Variants in ADGRG2 observed in about 807,000 individuals in gnomAD.
ADGRG2 encodes adhesion G protein-coupled receptor G2, also known as G protein-coupled receptor 64.
Under a neutral mutation model 74.1 loss-of-function variants are expected in ADGRG2, and 26 were observed. The observed-to-expected ratio is 0.35, with a 90% CI of 0.26 to 0.49. The LOEUF is 0.49. Among genes scored for constraint, ADGRG2 ranks in the 20% least tolerant of loss-of-function variants. The pLI, the probability that ADGRG2 is intolerant of heterozygous loss-of-function variation, is 0.99. For synonymous variants in ADGRG2, 296 were observed against 295.2 expected, an observed-to-expected ratio of 1.00 and a Z score of -0.03; for missense variants, 619 against 763.1, an observed-to-expected ratio of 0.81 and a Z score of 2.22.
intron 3 of ADGRG2, among the ~76,000 whole-genome samples, chrX:19,047,035 T>C (rs1758277516): frequency 8.9e-6 from 1 of 111,895 alleles, no homozygotes; most frequent in Admixed American, 9.5e-5. Flanking sequence ...GCAAAATGAC[T>C]AATGCAGAGT....
chrX:19,059,675 A>G (rs12008790), intron 3 of ADGRG2, among the ~76,000 whole-genome samples: 1,902 of 96,893 alleles, frequency 0.02, 207 homozygotes, highest in African/African-American at 0.074. Flanking sequence ...ATGTAGTAGT[A>G]CTAAAGAATC....
At position 19,041,979 on chromosome X, in the gene ADGRG2, T is replaced by A. The variant is rs761158178; in HGVS notation, c.119-1755A>T. On this transcript the variant is annotated intron_variant, in intron 3 of 28. Coordinates refer to ENST00000379869, the MANE Select transcript of ADGRG2 (RefSeq NM_001079858.3). The stretch of plus-strand genomic sequence containing the variant: ...TACGCACCACCACACCTGGCTAATT[T>A]TTTTATTTTATTTTTTGTGGAGATG... Among the ~76,000 whole-genome samples, 84 of 110,647 alleles carry A rather than the reference T, an allele frequency of 7.6e-4. No individual in the cohort carries two copies. In the East Asian group the frequency reaches 0.016, roughly 21 times the overall value.
rs1325370295 is a variant in ADGRG2, at chrX:19,010,626, G to A, written c.1252C>T (p.Pro418Ser). 2.5e-6 allele frequency: 3 copies of A among 1,205,780 alleles called. No individual in the cohort carries two copies. The highest frequency in any genetic ancestry group is 3.6e-5 in the South Asian group (2 of 55,828). The change falls in exon 17 of 29, where the codon CCT becomes TCT. Residue 418 changes from proline (P) to serine (S), a missense_variant. By Grantham distance (74) the Pro-to-Ser change is moderately conservative. Transcript: ENST00000379869. ...GCGAAGTCGTACCTTTGAGCCAGAGGGGCCAGCATGTCAGGCGGGGAATGA... is the reference window on the plus strand; with the variant it reads ...GCGAAGTCGTACCTTTGAGCCAGAGAGGCCAGCATGTCAGGCGGGGAATGA... ...LLHSPPDMLAPLAQRLLKVVD... is the reference protein window; with the variant it reads ...LLHSPPDMLASLAQRLLKVVD...
chrX:19,037,522 G>T (rs1009789518), intron 5 of ADGRG2, 32 bp from the exon 6 acceptor site: 8 of 1,152,574 alleles, frequency 6.9e-6, no homozygotes, highest in African/African-American at 1.8e-5. Context: ...ACAATACAAA[G>T]ATATAATTAA....
At chrX:19,054,032 G>A (rs1257362392) in intron 3 of ADGRG2, among the ~76,000 whole-genome samples, 2 of 111,698 alleles carry the variant, frequency 1.8e-5, no homozygotes. Context: ...AAGAATTATG[G>A]GAGCTGCAAT....
At chrX:19,079,279 C>T (rs2061804575) in intron 2 of ADGRG2, among the ~76,000 whole-genome samples, 2 of 111,645 alleles carry the variant, frequency 1.8e-5, no homozygotes, top group Non-Finnish European at 3.8e-5. Flanking sequence ...ATCATAACCC[C>T]GATGCCAAAA....
In ADGRG2 at chrX:18,989,405, CAA is replaced by C. The variant is rs1424116651; in HGVS notation, c.*1457_*1458del. On this transcript the variant is annotated 3_prime_UTR_variant, in exon 29 of 29. Transcript: ENST00000379869. ...TAAATAAATCAGAAAAGAAATATTG[CAA>C]AGACAAGTCAGCACTCACAGAAATG... 8.9e-6 allele frequency: 1 copy of C among 112,546 alleles called. No homozygotes were observed. The highest frequency in any genetic ancestry group is 1.9e-5 in the Non-Finnish European group (1 of 53,341). The allele number at this position is 112,546 out of a possible 1,213,427, so 9.3% of individuals were successfully genotyped here.
At chrX:19,003,418 A>T (rs2060170354) in intron 23 of ADGRG2, among the ~76,000 whole-genome samples, 1 of 111,656 alleles carries the variant, frequency 9.0e-6, no homozygotes, top group Admixed American at 9.5e-5. Flanking sequence ...GGCTTCCCAA[A>T]GTGTTGGGAT....
chrX:19,057,722 C>A (rs745625345), intron 3 of ADGRG2, among the ~76,000 whole-genome samples: 1 of 110,835 alleles, frequency 9.0e-6, no homozygotes, highest in African/African-American at 3.3e-5. Context: ...TGCCTATAGT[C>A]CAAGCTACTT....
rs993777350 is a variant in ADGRG2, at chrX:19,010,372, C to T, written c.1265+241G>A. On this transcript the variant is annotated intron_variant, in intron 17 of 28. Transcript: ENST00000379869. ...CTGACCTCAAGCGATCCGCCCACCT[C>T]AGCCTCCCAGAGTGGTGGGATTATA... is the stretch of plus-strand genomic sequence containing the variant. Among the ~76,000 whole-genome samples the T allele has an allele frequency of 6.3e-5, 7 of 111,413 alleles. No homozygotes were observed. The East Asian group carries it at 2.0e-3, about 31-fold the overall frequency.
chrX:19,070,973 T>C (rs1479089537), intron 2 of ADGRG2, among the ~76,000 whole-genome samples: 2 of 111,278 alleles, frequency 1.8e-5, no homozygotes, highest in Admixed American at 9.5e-5. Context: ...TGCTCTTCAT[T>C]CATTCATTCA....
At chrX:19,037,987 G>A (rs1002472863) in intron 4 of ADGRG2, among the ~76,000 whole-genome samples, 2 of 112,128 alleles carry the variant, frequency 1.8e-5, no homozygotes, top group Admixed American at 9.5e-5. Context: ...ATAACTTGCC[G>A]AATTACAATC....
intron 7 of ADGRG2, chrX:19,033,908 G>A (rs1463423813): frequency 4.5e-6 from 1 of 220,711 alleles, no homozygotes; most frequent in Non-Finnish European, 8.1e-6. Context: ...ACACCCCACT[G>A]CCTGTGTAAT....
chrX:18,999,301 A>G, intron 25 of ADGRG2, 22 bp from the exon 26 acceptor site: 2 of 1,123,651 alleles, frequency 1.8e-6, no homozygotes, highest in South Asian at 2.1e-5. Context: ...GGAGGGGGGG[A>G]AACAGGGGAA....
chrX:19,061,346 A>G (rs1196303369), intron 3 of ADGRG2, among the ~76,000 whole-genome samples: 1 of 111,631 alleles, frequency 9.0e-6, no homozygotes, highest in Non-Finnish European at 1.9e-5. Context: ...GCTAGAAAAT[A>G]TGGAGGCTAC....
intron 11 of ADGRG2, among the ~76,000 whole-genome samples, chrX:19,026,155 C>T (rs751652380): frequency 6.3e-5 from 7 of 111,788 alleles, no homozygotes; most frequent in Admixed American, 1.9e-4. Flanking sequence ...TCTGCCTAGG[C>T]ATTGCTGAAT....
chrX:19,008,460 G>A (rs1021916279), intron 18 of ADGRG2, among the ~76,000 whole-genome samples: 1 of 111,245 alleles, frequency 9.0e-6, no homozygotes, highest in African/African-American at 3.3e-5. Flanking sequence ...GAGGTCAGGA[G>A]TTTAAGACCA....
intron 2 of ADGRG2, among the ~76,000 whole-genome samples, chrX:19,070,874 A>T (rs1197424950): frequency 8.9e-6 from 1 of 112,159 alleles, no homozygotes; most frequent in African/African-American, 3.2e-5. Context: ...CTGAGACAAC[A>T]GCACCCACCT....
At chrX:19,081,741 T>G (rs746349532) in intron 2 of ADGRG2, among the ~76,000 whole-genome samples, 2 of 111,843 alleles carry the variant, frequency 1.8e-5, no homozygotes, top group African/African-American at 3.2e-5. Flanking sequence ...TTTGATAATT[T>G]ATGTCAATGA....
Sources: gnomAD v4.1 joint callset for allele counts (sites outside exome capture counted in the v4.1 genomes callset) on GRCh38, gnomAD v4.1.1 for gene constraint, MANE v1.5 for transcripts, NCBI Gene and HGNC (gene_info 2026-07-23, HGNC 2026-07-21) for gene names.